The following ABR variants were observed in gnomAD, a reference collection of about 807,000 sequenced individuals.
ABR encodes the protein active breakpoint cluster region-related protein.
A neutral mutation model predicts 107.2 loss-of-function variants in ABR; 35 were observed. The observed-to-expected ratio is 0.33, with a 90% CI of 0.25 to 0.43. The LOEUF (loss-of-function observed/expected upper bound fraction) is 0.43. Among genes scored for constraint, ABR ranks in the 20% least tolerant of loss-of-function variants. The pLI is 1.00. For missense variants in ABR, 815 were observed against 1,115.2 expected (o/e 0.73, Z 3.83); for synonymous variants, 498 against 462.0 (o/e 1.08, Z -1.00).
chr17:1,147,608 G>A (rs1468107515), intron 1 of ABR, among the ~76,000 whole-genome samples: 3 of 151,976 alleles, frequency 2.0e-5, no homozygotes, highest in African/African-American at 7.2e-5. Context: ...TGACCCACCC[G>A]CCTCAGCCTC....
intron 14 of ABR, chr17:1,055,559 G>A (rs952765203): frequency 6.7e-6 from 1 of 149,664 alleles, no homozygotes; most frequent in Non-Finnish European, 1.5e-5. Context: ...ACGGATTCTC[G>A]CTCTGTCGCC....
chr17:1,145,636 A>G (rs567806345), intron 1 of ABR, among the ~76,000 whole-genome samples: 9 of 152,324 alleles, frequency 5.9e-5, no homozygotes, highest in South Asian at 4.1e-4. Flanking sequence ...ATGACAATCT[A>G]GTGCTGAGAA....
At chr17:1,031,899 C>T (rs1394234905) in intron 16 of ABR, 93 of 1,128,036 alleles carry the variant, frequency 8.2e-5, no homozygotes, top group Non-Finnish European at 9.4e-5. Context: ...TCCCTCCGTC[C>T]GCGTCCCTCC....
intron 1 of ABR, among the ~76,000 whole-genome samples, chr17:1,161,718 C>T (rs1253569658): frequency 6.6e-6 from 1 of 152,052 alleles, no homozygotes; most frequent in African/African-American, 2.4e-5. Flanking sequence ...CCACACCCAG[C>T]TAATTTTTGT....
chr17:1,048,216 C>G (rs996079216), intron 16 of ABR, among the ~76,000 whole-genome samples: 1 of 152,234 alleles, frequency 6.6e-6, no homozygotes, highest in Non-Finnish European at 1.5e-5. Context: ...AGCCCTGTCT[C>G]CCTAGTGACG....
At chr17:1,025,767 C>T (rs192982619) in intron 16 of ABR, among the ~76,000 whole-genome samples, 2 of 152,312 alleles carry the variant, frequency 1.3e-5, no homozygotes, top group African/African-American at 2.4e-5. Context: ...TCACAGCACT[C>T]ATCTGACCGG....
At chr17:1,228,117 G>A (rs1598160596) in intron 1 of ABR, 1 of 152,164 alleles carries the variant, frequency 6.6e-6, no homozygotes, top group Non-Finnish European at 1.5e-5. Flanking sequence ...TGGTCTCTGG[G>A]CACCAGGCCA....
chr17:1,217,323 T>G (rs984291032), intron 1 of ABR, among the ~76,000 whole-genome samples: 2 of 152,158 alleles, frequency 1.3e-5, no homozygotes, highest in Non-Finnish European at 2.9e-5. Context: ...TACAGGATTT[T>G]CAGTTTCAAT....
At chr17:1,015,108 T>C (rs1342862417) in intron 16 of ABR, among the ~76,000 whole-genome samples, 2 of 151,886 alleles carry the variant, frequency 1.3e-5, no homozygotes, top group African/African-American at 4.8e-5. Flanking sequence ...GTTAGTACCA[T>C]GATTGGCAGT....
rs368574354 is a variant in ABR, at chr17:1,011,979, C to T, written c.1968G>A (p.Glu656=). 22 of 1,613,300 alleles carry T rather than the reference C, an allele frequency of 1.4e-5. No homozygotes were observed. The highest frequency in any genetic ancestry group is 1.5e-5 in the Non-Finnish European group (18 of 1,179,396). The change falls in exon 19 of 23, where the codon GAG becomes GAA. Residue 656 remains glutamate (E), a synonymous_variant. Coordinates refer to ENST00000302538, the MANE Select transcript of ABR (RefSeq NM_021962.5). This position sits in a 1 kb window ranked among gnomAD's most constrained non-coding sequence, Gnocchi z 4.8. ...GVKISVVTKR[E]RSKVPYIVRQ... Reference sequence around the variant, plus strand: ...GGACGATGTAGGGCACCTTGGAGCGCTCCCGCCTGGGGTGGAGCGTGAGGA... The same window carrying T: ...GGACGATGTAGGGCACCTTGGAGCGTTCCCGCCTGGGGTGGAGCGTGAGGA...
chr17:1,161,315 C>T (rs1014482158), intron 1 of ABR, among the ~76,000 whole-genome samples: 3 of 151,872 alleles, frequency 2.0e-5, no homozygotes, highest in African/African-American at 4.8e-5. Context: ...GATCACAGCT[C>T]ACTGTAAGCT....
At chr17:1,099,622 A>C (rs1353663923) in intron 3 of ABR, among the ~76,000 whole-genome samples, 2 of 152,196 alleles carry the variant, frequency 1.3e-5, no homozygotes, top group Non-Finnish European at 2.9e-5. Context: ...CGCCACGATC[A>C]CTCTGCATAA....
intron 1 of ABR, among the ~76,000 whole-genome samples, chr17:1,135,693 T>C (rs907545864): frequency 6.6e-6 from 1 of 152,114 alleles, no homozygotes; most frequent in Non-Finnish European, 1.5e-5. Flanking sequence ...CTGGTCAACA[T>C]GGTGAAAGCC....
chr17:1,206,157 C>T (rs540741943), intron 1 of ABR, among the ~76,000 whole-genome samples: 5 of 152,114 alleles, frequency 3.3e-5, no homozygotes, highest in Middle Eastern at 3.2e-3. Context: ...GTGGCACACT[C>T]GGGAGGATCA....
intron 1 of ABR, chr17:1,126,567 T>G (rs2258567): frequency 2.0e-5 from 3 of 152,310 alleles, no homozygotes; most frequent in Non-Finnish European, 2.9e-5. Flanking sequence ...TCCTACGCAC[T>G]GGACTGCCCA....
chr17:1,061,245 C>T (rs896266854), intron 10 of ABR, among the ~76,000 whole-genome samples: 6 of 145,616 alleles, frequency 4.1e-5, no homozygotes, highest in South Asian at 5.1e-4. Flanking sequence ...GCTGGGGCAA[C>T]GGGGAGGCAG....
upstream of ABR, among the ~76,000 whole-genome samples, chr17:1,184,042 C>T (rs1398833623): frequency 1.3e-5 from 2 of 151,944 alleles, no homozygotes; most frequent in African/African-American, 4.8e-5. Context: ...GAAACCCCGT[C>T]TCTACTAAAA....
At chr17:1,201,488 C>T (rs1182166721) in intron 1 of ABR, among the ~76,000 whole-genome samples, 4 of 151,800 alleles carry the variant, frequency 2.6e-5, no homozygotes, top group Non-Finnish European at 5.9e-5. Context: ...AACACGGGTA[C>T]ACACACACAC....
chr17:1,149,418 G>A (rs1206764312), intron 1 of ABR, among the ~76,000 whole-genome samples: 1 of 142,768 alleles, frequency 7.0e-6, no homozygotes, highest in Non-Finnish European at 1.5e-5. Flanking sequence ...ATTCATTTCT[G>A]GTTTTAGTTT....
Sources: gnomAD v4.1 joint callset for allele counts (sites outside exome capture counted in the v4.1 genomes callset) on GRCh38, gnomAD v4.1.1 for gene constraint, Gnocchi (gnomAD v3.1) non-coding constraint, MANE v1.5 for transcripts, NCBI Gene and HGNC (gene_info 2026-07-23, HGNC 2026-07-21) for gene names.